The following DPYD variants were observed in gnomAD, a reference collection of about 807,000 sequenced individuals.
DPYD encodes dihydropyrimidine dehydrogenase [NADP(+)].
In DPYD, 109 loss-of-function variants were observed where a neutral mutation model predicts 116.2. The observed-to-expected ratio is 0.94, with a 90% CI of 0.80 to 1.10. The LOEUF (loss-of-function observed/expected upper bound fraction) is 1.10, where lower values mean the gene tolerates loss of function less well. DPYD is among the 50% of genes least tolerant of loss of function. The pLI, the probability that DPYD is intolerant of heterozygous loss-of-function variation, is 0.00. For missense variants in DPYD, 1,302 were observed against 1,254.5 expected, an observed-to-expected ratio of 1.04 and a Z score of -0.57; for synonymous variants, 440 against 432.0, an observed-to-expected ratio of 1.02 and a Z score of -0.23.
intron 14 of DPYD, among the ~76,000 whole-genome samples, chr1:97,389,587 T>G (rs1236755988): frequency 1.3e-5 from 2 of 152,030 alleles, no homozygotes; most frequent in Non-Finnish European, 2.9e-5. Context: ...TCATTAAAAT[T>G]TGATATGCTC....
chr1:97,586,838 T>A (rs895350900), intron 10 of DPYD, among the ~76,000 whole-genome samples: 4 of 151,956 alleles, frequency 2.6e-5, no homozygotes, highest in Non-Finnish European at 5.9e-5. Flanking sequence ...TGGGGATACA[T>A]TAATTGCAAT....
At chr1:97,644,952 T>C (rs1658170802) in intron 8 of DPYD, among the ~76,000 whole-genome samples, 1 of 152,132 alleles carries the variant, frequency 6.6e-6, no homozygotes, top group African/African-American at 2.4e-5. Context: ...AAAATTTTAC[T>C]TTTTTATGCA....
intron 18 of DPYD, among the ~76,000 whole-genome samples, chr1:97,235,493 A>C (rs2100751126): frequency 6.6e-6 from 1 of 152,144 alleles, no homozygotes; most frequent in South Asian, 2.1e-4. Flanking sequence ...GCGTGGTGGC[A>C]GGCTCCTGTA....
chr1:97,914,406 G>A (rs1674119302), intron 1 of DPYD, among the ~76,000 whole-genome samples: 2 of 152,098 alleles, frequency 1.3e-5, no homozygotes, highest in Non-Finnish European at 2.9e-5. Context: ...AAATACAAGG[G>A]TTTGTTTTAA....
chr1:97,749,878 T>C (rs1326580401), intron 3 of DPYD, among the ~76,000 whole-genome samples: 1 of 152,182 alleles, frequency 6.6e-6, no homozygotes, highest in African/African-American at 2.4e-5. Flanking sequence ...ACAGTTTTTA[T>C]TATAGCTTTT....
chr1:97,175,996 C>T (rs77974239), intron 20 of DPYD, among the ~76,000 whole-genome samples: 4,525 of 152,248 alleles, frequency 0.03, 99 homozygotes, highest in Non-Finnish European at 0.047. Context: ...ACTTTTAGCT[C>T]ATTATAGCTC....
intron 18 of DPYD, among the ~76,000 whole-genome samples, chr1:97,254,052 G>A (rs1244560186): frequency 6.6e-6 from 1 of 151,970 alleles, no homozygotes; most frequent in Admixed American, 6.6e-5. Flanking sequence ...TATTACTTAA[G>A]TTACTTTATC....
At chr1:97,688,621 C>T (rs1660860404) in intron 7 of DPYD, among the ~76,000 whole-genome samples, 1 of 151,822 alleles carries the variant, frequency 6.6e-6, no homozygotes, top group Non-Finnish European at 1.5e-5. Context: ...TTTTATAAGG[C>T]TAATATAACT....
intron 2 of DPYD, among the ~76,000 whole-genome samples, chr1:97,838,536 G>C (rs1669882836): frequency 6.6e-6 from 1 of 152,194 alleles, no homozygotes. Context: ...AGTAGAAACA[G>C]TCATGTAACT....
rs971182581 is a variant in DPYD, at chr1:97,666,608, A to T, written c.850+12487T>A. On this transcript the variant is annotated intron_variant, in intron 8 of 22. Coordinates refer to ENST00000370192, the MANE Select transcript of DPYD (RefSeq NM_000110.4). ...ACAGCAGCTTGTGTTAGTAATATTTAAAAAAAATAACACAAGCATGGTATC... is the reference window on the plus strand; with the variant it reads ...ACAGCAGCTTGTGTTAGTAATATTTTAAAAAAATAACACAAGCATGGTATC... Among the ~76,000 whole-genome samples the T allele has an allele frequency of 9.2e-5, 14 of 151,930 alleles. No homozygotes were observed. In the East Asian group the frequency reaches 1.9e-3, roughly 21 times the overall value.
intron 18 of DPYD, among the ~76,000 whole-genome samples, chr1:97,286,472 G>A (rs1665692672): frequency 6.6e-6 from 1 of 151,676 alleles, no homozygotes; most frequent in Admixed American, 6.6e-5. Flanking sequence ...GGCCTGCCTT[G>A]CTAGATTGGG....
chr1:97,246,407 G>A (rs1461104965), intron 18 of DPYD, among the ~76,000 whole-genome samples: 1 of 152,072 alleles, frequency 6.6e-6, no homozygotes, highest in Non-Finnish European at 1.5e-5. Context: ...AAGACAAGGA[G>A]AGCCAGGAAA....
At chr1:97,732,571 T>C (rs1012281039) in intron 4 of DPYD, among the ~76,000 whole-genome samples, 1 of 151,780 alleles carries the variant, frequency 6.6e-6, no homozygotes, top group Admixed American at 6.6e-5. Flanking sequence ...AATGACTCAA[T>C]AGATAATGTT....
chr1:97,130,142 T>C (rs555627745), intron 20 of DPYD, among the ~76,000 whole-genome samples: 4 of 152,322 alleles, frequency 2.6e-5, no homozygotes, highest in Non-Finnish European at 5.9e-5. Context: ...CTTTGAAGGA[T>C]CCACTTTTCT....
intron 16 of DPYD, among the ~76,000 whole-genome samples, chr1:97,372,054 G>A (rs1671337113): frequency 6.6e-6 from 1 of 152,150 alleles, no homozygotes; most frequent in African/African-American, 2.4e-5. Context: ...AAATTCAGAT[G>A]TGCTCATATA....
chr1:97,158,445 T>C (rs1655645305), intron 20 of DPYD, among the ~76,000 whole-genome samples: 1 of 147,568 alleles, frequency 6.8e-6, no homozygotes, highest in African/African-American at 2.5e-5. Context: ...ATACCTCCTT[T>C]GGGCTTCTCC....
intron 19 of DPYD, among the ~76,000 whole-genome samples, chr1:97,206,243 G>A (rs1659592203): frequency 6.6e-6 from 1 of 151,718 alleles, no homozygotes; most frequent in South Asian, 2.1e-4. Flanking sequence ...AAAGTTTGGT[G>A]TATTTTAACA....
intron 1 of DPYD, among the ~76,000 whole-genome samples, chr1:97,904,370 G>T (rs145125457): frequency 6.6e-6 from 1 of 152,034 alleles, no homozygotes; most frequent in South Asian, 2.1e-4. Context: ...TGGGAGACCA[G>T]AATATACCTT....
intron 8 of DPYD, among the ~76,000 whole-genome samples, chr1:97,657,688 G>T (rs967542756): frequency 1.3e-5 from 2 of 152,054 alleles, no homozygotes; most frequent in Admixed American, 1.3e-4. Context: ...AAGGAACCAC[G>T]GGCGTCTAGA....
Sources: gnomAD v4.1 joint callset for allele counts (sites outside exome capture counted in the v4.1 genomes callset) on GRCh38, gnomAD v4.1.1 for gene constraint, MANE v1.5 for transcripts, NCBI Gene and HGNC (gene_info 2026-07-23, HGNC 2026-07-21) for gene names.